XYLT1: variants seen among roughly 807,000 people sequenced by gnomAD.
XYLT1 encodes the protein beta-D-xylosyltransferase 1.
XYLT1 carries 36 observed loss-of-function variants against 91.3 expected under a neutral mutation model. The ratio of observed to expected loss-of-function variants is 0.39; its 90% confidence interval spans 0.30 to 0.52. The LOEUF is 0.52. XYLT1 is among the 20% of genes least tolerant of loss of function. The pLI is 0.68. For missense variants in XYLT1, 1,242 were observed against 1,284.5 expected, an observed-to-expected ratio of 0.97 and a Z score of 0.51; for synonymous variants, 588 against 532.0, an observed-to-expected ratio of 1.11 and a Z score of -1.45.
chr16:17,232,123 TTATAATA>T (rs1596436046), intron 3 of XYLT1, among the ~76,000 whole-genome samples: 2 of 144,754 alleles, frequency 1.4e-5, no homozygotes, highest in Non-Finnish European at 3.0e-5. Flanking sequence ...ATTATATATA[TTATAATA>T]TATAATAGAT....
chr16:17,468,636 G>T (rs1241744589), intron 1 of XYLT1, among the ~76,000 whole-genome samples: 51 of 152,200 alleles, frequency 3.4e-4, no homozygotes, highest in Admixed American at 3.3e-3. Flanking sequence ...GGGGCTGGGG[G>T]TGGATGCTCA....
At chr16:17,187,178 G>C (rs967449083) in intron 5 of XYLT1, among the ~76,000 whole-genome samples, 3 of 151,870 alleles carry the variant, frequency 2.0e-5, no homozygotes, top group Non-Finnish European at 4.4e-5. Context: ...GATCACTTGA[G>C]GCCAGGAGTT....
intron 2 of XYLT1, among the ~76,000 whole-genome samples, chr16:17,271,527 C>T (rs778166403): frequency 6.6e-6 from 1 of 152,170 alleles, no homozygotes; most frequent in Non-Finnish European, 1.5e-5. Context: ...AATAATAAAG[C>T]CTTCTGCGTA....
intron 6 of XYLT1, among the ~76,000 whole-genome samples, chr16:17,149,129 C>G (rs2141530088): frequency 6.6e-6 from 1 of 152,314 alleles, no homozygotes; most frequent in South Asian, 2.1e-4. Context: ...GATTCTCCCC[C>G]ATGGGAGAAG....
At chr16:17,292,709 T>C (rs1054646581) in intron 2 of XYLT1, among the ~76,000 whole-genome samples, 1 of 152,324 alleles carries the variant, frequency 6.6e-6, no homozygotes, top group Admixed American at 6.5e-5. Context: ...GGCATTAAAG[T>C]TGAAGTGAAT....
intron 2 of XYLT1, among the ~76,000 whole-genome samples, chr16:17,260,714 T>A (rs1362443875): frequency 6.6e-6 from 1 of 152,204 alleles, no homozygotes; most frequent in Non-Finnish European, 1.5e-5. Context: ...CCTGTCCATT[T>A]GTGTATTGTC....
intron 5 of XYLT1, among the ~76,000 whole-genome samples, chr16:17,192,102 T>C (rs1462938789): frequency 2.7e-5 from 3 of 110,972 alleles, no homozygotes; most frequent in African/African-American, 6.2e-5. Context: ...CTTTTTTTTT[T>C]TTTTTTTTTT....
chr16:17,464,886 C>T lies in XYLT1; in HGVS notation c.363+5548G>A, dbSNP rs538012908. On this transcript the variant is annotated intron_variant, in intron 1 of 11. Coordinates refer to ENST00000261381, the MANE Select transcript of XYLT1 (RefSeq NM_022166.4). ...TTGGGGCTGGGCAAAGTGGCTCAGG[C>T]CTGTAGTCCCAGCATTTTGGGAGGC... Among the ~76,000 whole-genome samples, 16 of 151,968 alleles carry T rather than the reference C, an allele frequency of 1.1e-4. No homozygotes were observed. In the East Asian group the frequency reaches 3.1e-3, roughly 30 times the overall value.
chr16:17,204,790 G>A (rs958843844), intron 3 of XYLT1, among the ~76,000 whole-genome samples: 1 of 152,110 alleles, frequency 6.6e-6, no homozygotes, highest in African/African-American at 2.4e-5. Flanking sequence ...CCCTGTCATG[G>A]TCACCATGCT....
intron 2 of XYLT1, among the ~76,000 whole-genome samples, chr16:17,274,472 G>A (rs775496037): frequency 5.9e-5 from 9 of 152,184 alleles, no homozygotes; most frequent in African/African-American, 1.2e-4. Flanking sequence ...AGGGGAAAAG[G>A]ATATAGGAAG....
intron 1 of XYLT1, among the ~76,000 whole-genome samples, chr16:17,377,454 C>T (rs558332182): frequency 7.2e-5 from 11 of 152,248 alleles, no homozygotes; most frequent in African/African-American, 2.6e-4. Context: ...CATCCAGGCT[C>T]TTTGTTTGGC....
intron 2 of XYLT1, among the ~76,000 whole-genome samples, chr16:17,273,169 G>A (rs1006050768): frequency 1.3e-5 from 2 of 152,196 alleles, no homozygotes; most frequent in African/African-American, 4.8e-5. Flanking sequence ...ACATTATTAT[G>A]AATGGTTTTA....
At chr16:17,113,558 C>A (rs1366226178) in intron 11 of XYLT1, among the ~76,000 whole-genome samples, 1 of 152,078 alleles carries the variant, frequency 6.6e-6, no homozygotes. Context: ...CTCTCTCGCT[C>A]TGGCCTCCTC....
chr16:17,276,178 G>A (rs181420613), intron 2 of XYLT1, among the ~76,000 whole-genome samples: 161 of 152,318 alleles, frequency 1.1e-3, no homozygotes, highest in African/African-American at 3.6e-3. Context: ...ATATGCTGCT[G>A]TCACCCCCTA....
At chr16:17,444,040 T>C (rs2036563563) in intron 1 of XYLT1, among the ~76,000 whole-genome samples, 2 of 152,100 alleles carry the variant, frequency 1.3e-5, no homozygotes, top group African/African-American at 2.4e-5. Context: ...GTTCATCAAC[T>C]CTTTGAATCC....
rs527547049 is a variant in XYLT1, at chr16:17,108,388, C to T, written c.*307G>A. The T allele has an allele frequency of 3.4e-5, 11 of 323,902 alleles. No individual in the cohort carries two copies. Among genetic ancestry groups the T allele is most frequent in the African/African-American group, 1.5e-4 (7 of 47,422 alleles). 20.1% of individuals were successfully genotyped at this position (323,902 alleles called of 1,614,324 possible). A position where few individuals can be genotyped will look rare whatever the true frequency, so the allele number is the denominator to read the frequency against. On this transcript the variant is annotated 3_prime_UTR_variant, in exon 12 of 12. Coordinates refer to ENST00000261381, the MANE Select transcript of XYLT1 (RefSeq NM_022166.4). ...TCGAAAGAAAAGTCTGAAAATCACA[C>T]GTCTGGGGTCAGGGGTGGGTCACTG...
chr16:17,454,827 A>G (rs1276324193), intron 1 of XYLT1, among the ~76,000 whole-genome samples: 1 of 147,528 alleles, frequency 6.8e-6, no homozygotes, highest in East Asian at 2.0e-4. Flanking sequence ...GGCATGAGCC[A>G]CCATGCCCAG....
chr16:17,348,162 C>A (rs751018472), intron 2 of XYLT1, among the ~76,000 whole-genome samples: 1 of 151,920 alleles, frequency 6.6e-6, no homozygotes, highest in African/African-American at 2.4e-5. Flanking sequence ...CTGGGGCTTG[C>A]GGGGGAAGAA....
intron 6 of XYLT1, among the ~76,000 whole-genome samples, chr16:17,147,544 T>A (rs1323086946): frequency 6.6e-6 from 1 of 152,206 alleles, no homozygotes; most frequent in Non-Finnish European, 1.5e-5. Context: ...GGGAGATGGG[T>A]TGCTGTATTT....
Sources: allele counts gnomAD v4.1 joint callset (sites outside exome capture counted in the v4.1 genomes callset), GRCh38; gene constraint gnomAD v4.1.1; transcripts MANE v1.5; gene names NCBI Gene and HGNC (gene_info 2026-07-23, HGNC 2026-07-21).